The following SPATC1 variants were observed in gnomAD, a reference collection of about 807,000 sequenced individuals.
SPATC1 encodes the protein spermatogenesis and centriole associated 1.
A neutral mutation model predicts 36.5 loss-of-function variants in SPATC1; 35 were observed. That is an observed-to-expected ratio of 0.96 (90% confidence interval 0.73 to 1.27). The LOEUF is 1.27. Ranked by LOEUF, SPATC1 falls within the 50% of genes most tolerant of loss-of-function variation. The probability of loss-of-function intolerance (pLI) is 0.00; values close to 1 mark genes in which losing one functional copy is unlikely to be tolerated. For missense variants in SPATC1, 779 were observed against 796.0 expected (o/e 0.98, Z 0.26); for synonymous variants, 361 against 353.6 (o/e 1.02, Z -0.24).
Position 144,040,734 on chromosome 8 carries a change from T to C in SPATC1, c.933T>C (p.Ser311=), listed in dbSNP as rs1479314073. 2 of 1,613,230 alleles carry C rather than the reference T, an allele frequency of 1.2e-6. No homozygotes were observed. Among genetic ancestry groups the C allele is most frequent in the Non-Finnish European group, 1.7e-6 (2 of 1,179,826 alleles). ...FNTSDTQAQP[S]AAQEQVVPAS... is the part of the protein sequence containing the mutation. Reference sequence around the variant, plus strand: ...CTTCGGACACACAGGCCCAGCCCAGTGCCGCCCAGGAACAAGTGGTCCCTG... The same window carrying C: ...CTTCGGACACACAGGCCCAGCCCAGCGCCGCCCAGGAACAAGTGGTCCCTG... Residue 311 remains serine, a synonymous_variant, in exon 3 of 5, where the codon AGT becomes AGC. Transcript: ENST00000377470.
rs1554756779 is a variant in SPATC1 at position 144,046,508 on chromosome 8, C to A, written c.1447-119C>A. On this transcript the variant is annotated intron_variant, in intron 4 of 4. Coordinates refer to ENST00000377470, the MANE Select transcript of SPATC1 (RefSeq NM_198572.3). This position sits in a 1 kb window ranked among gnomAD's most constrained non-coding sequence, Gnocchi z 6.6. ...TGAGGTCTGTCGCAGAACCTCCCCA[C>A]CGCACACCCCTCGGATCCTGGCCAT... 6.3e-6 allele frequency: 6 copies of A among 946,034 alleles called. No individual in the cohort carries two copies. Among genetic ancestry groups the A allele is most frequent in the African/African-American group, 1.6e-5 (1 of 61,044 alleles). The allele number at this position is 946,034 out of a possible 1,614,324, so 58.6% of individuals were successfully genotyped here. A position where few individuals can be genotyped will look rare whatever the true frequency, so the allele number is the denominator to read the frequency against.
intron 1 of SPATC1, among the ~76,000 whole-genome samples, chr8:144,015,031 A>T (rs1554752973): frequency 1.3e-5 from 2 of 150,184 alleles, no homozygotes; most frequent in Non-Finnish European, 2.9e-5. Context: ...TGTAATTTTT[A>T]AATATTTAAA....
At chr8:144,027,308 T>C (rs1834704809) in intron 1 of SPATC1, among the ~76,000 whole-genome samples, 1 of 152,310 alleles carries the variant, frequency 6.6e-6, no homozygotes, top group African/African-American at 2.4e-5. Flanking sequence ...GTCTTCTTAT[T>C]GTTGACTTGT....
rs782677447 is a variant in SPATC1 at position 144,040,453 on chromosome 8, C to T, written c.756C>T (p.Ala252=). The change falls in exon 2 of 5, where the codon GCC becomes GCT. Residue 252 remains alanine, a synonymous_variant. Transcript: ENST00000377470. ...CCCCAGCTTGCGTGGTACCCACTGC[C>T]ACCACCAAAGGTAACAGGTGTGGTG... The part of the protein sequence containing the change: ...PQSPACVVPT[A]TTKVPLSTEP... The T allele has an allele frequency of 1.9e-5, 31 of 1,598,536 alleles. No homozygotes were observed. The highest frequency in any genetic ancestry group is 2.6e-5 in the Non-Finnish European group (30 of 1,172,684).
Position 144,040,239 on chromosome 8 carries a change from G to T in SPATC1, c.542G>T (p.Ser181Ile). 6.2e-7 allele frequency: 1 copy of T among 1,612,920 alleles called. No homozygotes were observed. Among genetic ancestry groups the T allele is most frequent in the Non-Finnish European group, 8.5e-7 (1 of 1,179,876 alleles). ...VAGPVAMSQSSPLIAPVMGTV... is the reference protein window; with the variant it reads ...VAGPVAMSQSIPLIAPVMGTV... ...GGCCCTGTGGCCATGTCCCAGAGCA[G>T]CCCCCTGATAGCCCCTGTGATGGGC... The change falls in exon 2 of 5, where the codon AGC (serine) becomes ATC (isoleucine). Residue 181 changes from serine to isoleucine, a missense_variant. Physicochemically the swap from Ser to Ile is moderately radical, Grantham distance 142. Transcript: ENST00000377470.
intron 1 of SPATC1, among the ~76,000 whole-genome samples, chr8:144,021,111 TTTC>T (rs1834517554): frequency 4.4e-5 from 5 of 112,890 alleles, no homozygotes; most frequent in Admixed American, 8.7e-5. Flanking sequence ...CATAACCCAC[TTTC>T]TCCCATGAGG....
At chr8:144,041,701 G>T (rs1835106170) in intron 4 of SPATC1, among the ~76,000 whole-genome samples, 1 of 152,202 alleles carries the variant, frequency 6.6e-6, no homozygotes, top group Non-Finnish European at 1.5e-5. Context: ...GCGTGTGGCA[G>T]GCTGTAGAAG....
At position 144,012,704 on chromosome 8, in the gene SPATC1, C is replaced by G. The variant is rs1442685330; in HGVS notation, c.189C>G (p.Gly63=). 1.3e-6 allele frequency: 2 copies of G among 1,551,636 alleles called. No individual in the cohort carries two copies. Among genetic ancestry groups the G allele is most frequent in the Admixed American group, 2.0e-5 (1 of 50,998 alleles). Residue 63 remains glycine, a synonymous_variant, in exon 1 of 5, where the codon GGC becomes GGG. Coordinates refer to ENST00000377470, the MANE Select transcript of SPATC1 (RefSeq NM_198572.3). Reference sequence around the variant, plus strand: ...GTGGGCTTGGTGAGGCAACAGCAGGCCTTTCCTCACGCCAGAACAATGGTA... The same window carrying G: ...GTGGGCTTGGTGAGGCAACAGCAGGGCTTTCCTCACGCCAGAACAATGGTA... ...FTSGLGEATA[G]LSSRQNNGVF... is the part of the protein sequence containing the mutation.
chr8:144,012,737 T>C lies in SPATC1; in HGVS notation c.211+11T>C. On this transcript the variant is annotated intron_variant, in intron 1 of 4. Transcript: ENST00000377470. ...CACGCCAGAACAATGGTAAGAGGCCTCGCTCCCAAGAGAGTGAGGAGGGAA... is the reference window on the plus strand; with the variant it reads ...CACGCCAGAACAATGGTAAGAGGCCCCGCTCCCAAGAGAGTGAGGAGGGAA... 6.4e-7 allele frequency: 1 copy of C among 1,551,548 alleles called. No individual in the cohort carries two copies. Among genetic ancestry groups the C allele is most frequent in the Non-Finnish European group, 8.7e-7 (1 of 1,146,898 alleles).
intron 1 of SPATC1, among the ~76,000 whole-genome samples, chr8:144,019,743 G>A (rs1056491276): frequency 1.1e-4 from 16 of 152,166 alleles, no homozygotes; most frequent in African/African-American, 3.9e-4. Flanking sequence ...GGTGACAGGT[G>A]GGACAGCCGT....
chr8:144,023,051 CCA>C (rs1834575650), intron 1 of SPATC1, among the ~76,000 whole-genome samples: 1 of 122,086 alleles, frequency 8.2e-6, no homozygotes, highest in Admixed American at 8.2e-5. Context: ...CAGGACCCTC[CCA>C]CCTCAGGTCC....
chr8:144,037,965 TA>T (rs1834955640), intron 1 of SPATC1, among the ~76,000 whole-genome samples: 2 of 150,520 alleles, frequency 1.3e-5, no homozygotes, highest in Admixed American at 1.3e-4. Flanking sequence ...CTGTCTCTCC[TA>T]AAAATACAAA....
chr8:144,018,209 G>GA (rs1834430811), intron 1 of SPATC1, among the ~76,000 whole-genome samples: 1 of 152,210 alleles, frequency 6.6e-6, no homozygotes, highest in African/African-American at 2.4e-5. Flanking sequence ...GGTCAAGCAA[G>GA]AAAAGTACTA....
At chr8:144,039,009 A>G (rs1006208647) in intron 1 of SPATC1, among the ~76,000 whole-genome samples, 3 of 152,222 alleles carry the variant, frequency 2.0e-5, no homozygotes, top group African/African-American at 7.2e-5. Context: ...CAGCTCCTCA[A>G]TAGAGACTAA....
intron 1 of SPATC1, among the ~76,000 whole-genome samples, chr8:144,025,076 C>A (rs1834649315): frequency 6.6e-6 from 1 of 151,390 alleles, no homozygotes; most frequent in African/African-American, 2.4e-5. Flanking sequence ...CAGGACCTAC[C>A]TTCTCCCCTA....
chr8:144,013,423 G>A (rs558123692), intron 1 of SPATC1, among the ~76,000 whole-genome samples: 264 of 152,178 alleles, frequency 1.7e-3, no homozygotes, highest in Non-Finnish European at 3.1e-3. Flanking sequence ...CTCCAAACTA[G>A]ACATGTTTCT....
chr8:144,042,025 T>C (rs782657647), intron 4 of SPATC1: 2 of 984,732 alleles, frequency 2.0e-6, no homozygotes, highest in Non-Finnish European at 1.2e-6. Context: ...GAGCTGAGAT[T>C]GAGCCATTAC....
rs1554755428 is a variant in SPATC1 at position 144,040,055 on chromosome 8, AC to A, written c.361del (p.Leu121SerfsTer21). On this transcript the variant is annotated frameshift_variant, in exon 2 of 5. Transcript: ENST00000377470. LOFTEE classifies it high-confidence loss of function. ...PGSLMSPLTG[T>X]LSTLLSGPAP... ...CTCACTCATGAGCCCCCTGACAGGC[AC>A]CCTCAGCACGCTGCTGTCTGGCCCA... 2 of 1,613,362 alleles carry A rather than the reference AC, an allele frequency of 1.2e-6. No individual in the cohort carries two copies. Among genetic ancestry groups the A allele is most frequent in the Admixed American group, 1.7e-5 (1 of 60,010 alleles).
At chr8:144,035,203 C>T (rs1250534407) in intron 1 of SPATC1, among the ~76,000 whole-genome samples, 4 of 152,196 alleles carry the variant, frequency 2.6e-5, no homozygotes, top group Non-Finnish European at 5.9e-5. Context: ...CTGCCCTCCC[C>T]CATCAACTCT....
Sources: allele counts gnomAD v4.1 joint callset (sites outside exome capture counted in the v4.1 genomes callset), GRCh38; gene constraint gnomAD v4.1.1; non-coding constraint Gnocchi (gnomAD v3.1); transcripts MANE v1.5; gene names NCBI Gene and HGNC (gene_info 2026-07-23, HGNC 2026-07-21).